The following IGSF9 variants were observed in gnomAD, a reference collection of about 807,000 sequenced individuals.
IGSF9 encodes protein turtle homolog A.
In IGSF9, 87 loss-of-function variants were observed where a neutral mutation model predicts 121.7. The observed-to-expected ratio is 0.71, with a 90% CI of 0.60 to 0.85. The LOEUF (loss-of-function observed/expected upper bound fraction) is 0.85, where lower values mean the gene tolerates loss of function less well. IGSF9 is among the 40% of genes least tolerant of loss of function. IGSF9 has a pLI of 0.00. For synonymous variants in IGSF9, 640 were observed against 648.4 expected, an observed-to-expected ratio of 0.99 and a Z score of 0.20; for missense variants, 1,462 against 1,565.3, an observed-to-expected ratio of 0.93 and a Z score of 1.11.
At position 159,932,206 on chromosome 1, in the gene IGSF9, G is replaced by T; in HGVS notation, c.1246-278C>A. 1 of 573,688 alleles carries T rather than the reference G, an allele frequency of 1.7e-6. No individual in the cohort carries two copies. The highest frequency in any genetic ancestry group is 3.1e-6 in the Non-Finnish European group (1 of 323,128). 35.5% of individuals were successfully genotyped at this position (573,688 alleles called of 1,614,324 possible). ...GACTCTCAGAGATGTACAAACCTCT[G>T]CAGAACATTCTTCCTCCCAGAGCCC... On this transcript the variant is annotated intron_variant, in intron 10 of 20. Transcript: ENST00000368094. This position sits in a 1 kb window ranked among gnomAD's most constrained non-coding sequence, Gnocchi z 4.1.
At position 159,930,341 on chromosome 1, in the gene IGSF9, C is replaced by T; in HGVS notation, c.1912G>A (p.Gly638Arg). 1.2e-6 allele frequency: 2 copies of T among 1,608,530 alleles called. No individual in the cohort carries two copies. Among genetic ancestry groups the T allele is most frequent in the Non-Finnish European group, 1.7e-6 (2 of 1,176,786 alleles). ...GGGGGATCCCAATGCAGGAGTACCCCCCGGGGTGTCCTCACTGCCACCAGA... is the reference window on the plus strand; with the variant it reads ...GGGGGATCCCAATGCAGGAGTACCCTCCGGGGTGTCCTCACTGCCACCAGA... ...RGLVAVRTPR[G>R]VLLHWDPPEL... The change falls in exon 15 of 21, where the codon GGG (glycine) becomes AGG (arginine). Residue 638 changes from glycine (G) to arginine (R), a missense_variant. Around this residue, in one of 3 missense-constraint regions of IGSF9, gnomAD observed 808 missense variants for 815.2 expected, o/e 0.99. Coordinates refer to ENST00000368094, the MANE Select transcript of IGSF9 (RefSeq NM_001135050.2).
In IGSF9 at chr1:159,934,410, T is replaced by C. The variant is rs1218406347; in HGVS notation, c.961+15A>G. ...GAAGGGAGCAGGCTGAGGGAGAAGC[T>C]GGGGTCAGGCTTACAGAGCACAGTG... On this transcript the variant is annotated intron_variant, in intron 8 of 20. Transcript: ENST00000368094. The C allele has an allele frequency of 1.3e-6, 2 of 1,572,764 alleles. No homozygotes were observed. Among genetic ancestry groups the C allele is most frequent in the Admixed American group, 3.8e-5 (2 of 53,140 alleles).
At position 159,930,367 on chromosome 1, in the gene IGSF9, C is replaced by A; in HGVS notation, c.1886G>T (p.Gly629Val). The A allele has an allele frequency of 6.2e-7, 1 of 1,600,138 alleles. No homozygotes were observed. Among genetic ancestry groups the A allele is most frequent in the Non-Finnish European group, 8.5e-7 (1 of 1,171,814 alleles). Residue 629 changes from glycine (G) to valine (V), a missense_variant, in exon 15 of 21, where the codon GGT becomes GTT. Coordinates refer to ENST00000368094, the MANE Select transcript of IGSF9 (RefSeq NM_001135050.2). Reference protein sequence around the residue: ...EIPPPLSPPRGLVAVRTPRGV... With the variant: ...EIPPPLSPPRVLVAVRTPRGV... ...CCGGGGTGTCCTCACTGCCACCAGA[C>A]CCCGCGGAGGGGACAGGGGAGGCGG...
chr1:159,931,893 T>A lies in IGSF9; in HGVS notation c.1281A>T (p.Glu427Asp), dbSNP rs201446551. 20 of 1,597,912 alleles carry A rather than the reference T, an allele frequency of 1.3e-5. No individual in the cohort carries two copies. Among genetic ancestry groups the A allele is most frequent in the Non-Finnish European group, 1.6e-5 (19 of 1,175,212 alleles). ...PPAFIERPKE[E>D]YFQEVGRELL... is the part of the protein sequence containing the mutation. Reference sequence around the variant, plus strand: ...GCTCCCGCCCTACTTCTTGGAAATATTCTTCCTTGGGCCGCTCTATAAAAG... The same window carrying A: ...GCTCCCGCCCTACTTCTTGGAAATAATCTTCCTTGGGCCGCTCTATAAAAG... Residue 427 changes from glutamate to aspartate, a missense_variant, in exon 11 of 21, where the codon GAA (glutamate) becomes GAT (aspartate). Transcript: ENST00000368094. This position sits in a 1 kb window ranked among gnomAD's most constrained non-coding sequence, Gnocchi z 4.8.
At chr1:159,929,186 A>C in intron 18 of IGSF9, 165 bp downstream of exon 18, 1 of 1,287,946 alleles carries the variant, frequency 7.8e-7, no homozygotes, top group Non-Finnish European at 1.1e-6. Context: ...GCCATACTGG[A>C]ACGGCCTCAG....
chr1:159,944,464 C>A lies in IGSF9; in HGVS notation c.-174-836G>T, dbSNP rs538829010. Among the ~76,000 whole-genome samples, 5 of 152,260 alleles carry A rather than the reference C, an allele frequency of 3.3e-5. No homozygotes were observed. In the South Asian group the frequency reaches 1.0e-3, roughly 32 times the overall value. On this transcript the variant is annotated intron_variant, in intron 1 of 20. Transcript: ENST00000368094. ...CAAGCAGCCCTCCCCCTGCCAGGCACCACCACCCAAGGACCTCACCCAAAT... is the reference window on the plus strand; with the variant it reads ...CAAGCAGCCCTCCCCCTGCCAGGCAACACCACCCAAGGACCTCACCCAAAT...
intron 3 of IGSF9, among the ~76,000 whole-genome samples, chr1:159,938,975 A>G (rs745673845): frequency 6.6e-6 from 1 of 152,160 alleles, no homozygotes; most frequent in African/African-American, 2.4e-5. Flanking sequence ...CTGCACCACC[A>G]CACACCAAGT....
At chr1:159,942,686 G>A (rs1303192864) in intron 3 of IGSF9, among the ~76,000 whole-genome samples, 1 of 152,176 alleles carries the variant, frequency 6.6e-6, no homozygotes, top group Non-Finnish European at 1.5e-5. Context: ...TAGGGCTGCA[G>A]GATCTCCTTT....
chr1:159,929,181 A>G, intron 18 of IGSF9, 163 bp from the exon 19 acceptor site: 1 of 1,283,732 alleles, frequency 7.8e-7, no homozygotes, highest in Non-Finnish European at 1.1e-6. Context: ...CACAGGCCAT[A>G]CTGGAACGGC....
Position 159,930,418 on chromosome 1 carries a change from G to T in IGSF9, c.1835C>A (p.Ala612Glu). ...TATCTCTGTTGGGGGAAGCCCGGGT[G>T]CAGCTGGCGTGGTAGGAAGCCCTGC... ...APEGLPTTPA[A>E]PGLPPTEIPP... Residue 612 changes from alanine (A) to glutamate (E), a missense_variant, in exon 15 of 21, where the codon GCA (alanine) becomes GAA (glutamate). Ala to Glu is a moderately radical substitution (Grantham distance 107). Coordinates refer to ENST00000368094, the MANE Select transcript of IGSF9 (RefSeq NM_001135050.2). 1 of 1,543,270 alleles carries T rather than the reference G, an allele frequency of 6.5e-7. No individual in the cohort carries two copies.
Position 159,927,387 on chromosome 1 carries a change from A to G in IGSF9, c.3498T>C (p.Tyr1166=), listed in dbSNP as rs1650775154. The change falls in exon 21 of 21, where the codon TAT becomes TAC. Residue 1166 remains tyrosine, a synonymous_variant. Coordinates refer to ENST00000368094, the MANE Select transcript of IGSF9 (RefSeq NM_001135050.2). The stretch of plus-strand genomic sequence containing the variant: ...GTTCGGGGTGGGGGACTGGCTGTCG[A>G]TAGGCTGGTAGCCGAGCCCTAGTAG... ...RDATRARLPA[Y]RQPVPHPEQA... The G allele has an allele frequency of 1.2e-6, 2 of 1,613,512 alleles. No homozygotes were observed. Among genetic ancestry groups the G allele is most frequent in the Non-Finnish European group, 1.7e-6 (2 of 1,180,000 alleles).
In IGSF9 at chr1:159,928,237, C is replaced by T; in HGVS notation, c.3151G>A (p.Ala1051Thr). The change falls in exon 19 of 21, where the codon GCT becomes ACT. Residue 1051 changes from alanine (A) to threonine (T), a missense_variant. This residue lies in a region of IGSF9 where 808 missense variants were observed against 815.2 expected (regional missense o/e 0.99). Coordinates refer to ENST00000368094, the MANE Select transcript of IGSF9 (RefSeq NM_001135050.2). ...GCCCAGCTGCTGGTGTCTCCTGGAG[C>T]AGGGCTGAGGTAGCTGCCTCCTGCA... ...PSAGGSYLSP[A>T]PGDTSSWASG... 3.7e-6 allele frequency: 6 copies of T among 1,613,202 alleles called. No individual in the cohort carries two copies. In the South Asian group the frequency reaches 4.4e-5, roughly 12 times the overall value.
chr1:159,934,252 C>T lies in IGSF9; in HGVS notation c.1042G>A (p.Ala348Thr). 1 of 1,613,976 alleles carries T rather than the reference C, an allele frequency of 6.2e-7. No individual in the cohort carries two copies. The highest frequency in any genetic ancestry group is 8.5e-7 in the Non-Finnish European group (1 of 1,179,952). ...CTGACAAAGAGCAGTGGGGGGTTGG[C>T]ACGAACCGGGCAGCGGATCACCCCC... ...MPGVIRCPVR[A>T]NPPLLFVSWT... The change falls in exon 9 of 21, where the codon GCC becomes ACC. Residue 348 changes from alanine (A) to threonine (T), a missense_variant. Coordinates refer to ENST00000368094, the MANE Select transcript of IGSF9 (RefSeq NM_001135050.2).
At chr1:159,933,835 T>A (rs1307989667) in intron 9 of IGSF9, 8 of 321,428 alleles carry the variant, frequency 2.5e-5, no homozygotes, top group Non-Finnish European at 4.1e-5. Context: ...CTCAACCCAC[T>A]ACCCCACACA....
intron 15 of IGSF9, 93 bp from the exon 16 acceptor site, chr1:159,930,068 G>A: frequency 1.3e-6 from 2 of 1,550,800 alleles, no homozygotes; most frequent in Non-Finnish European, 1.8e-6. Context: ...GGGACGGAAG[G>A]GTGAGGTAGG....
chr1:159,936,795 G>C lies in IGSF9; in HGVS notation c.514C>G (p.Leu172Val), dbSNP rs767988842. 6.2e-7 allele frequency: 1 copy of C among 1,614,232 alleles called. No homozygotes were observed. Among genetic ancestry groups the C allele is most frequent in the South Asian group, 1.1e-5 (1 of 91,088 alleles). The change falls in exon 5 of 21, where the codon CTC (leucine) becomes GTC (valine). Residue 172 changes from leucine to valine, a missense_variant. By Grantham distance (32) the Leu-to-Val change is conservative. Coordinates refer to ENST00000368094, the MANE Select transcript of IGSF9 (RefSeq NM_001135050.2). Reference protein sequence around the residue: ...GSPLPHVTWKLRGKDLGQGQG... With the variant: ...GSPLPHVTWKVRGKDLGQGQG... ...CCCTGGCCAAGGTCCTTTCCTCGGA[G>C]CTTCCACGTCACATGAGGCAGGGGG...
intron 15 of IGSF9, 57 bp from the exon 16 acceptor site, chr1:159,930,032 G>T: frequency 6.3e-7 from 1 of 1,575,854 alleles, no homozygotes; most frequent in Non-Finnish European, 8.6e-7. Context: ...GCCCAACCCA[G>T]CGGGGCGCGG....
intron 3 of IGSF9, 38 bp from the exon 4 acceptor site, chr1:159,937,876 C>G: frequency 1.9e-6 from 3 of 1,595,380 alleles, no homozygotes; most frequent in Non-Finnish European, 2.6e-6. Context: ...GCTGAAGGAA[C>G]CCCATGGAAG....
rs1366310068 is a variant in IGSF9 at position 159,936,782 on chromosome 1, T to C, written c.527A>G (p.Asp176Gly). 6.2e-7 allele frequency: 1 copy of C among 1,614,144 alleles called. No homozygotes were observed. Among genetic ancestry groups the C allele is most frequent in the African/African-American group, 1.3e-5 (1 of 75,042 alleles). ...PHVTWKLRGK[D>G]LGQGQGQVQV... ...CACCTGGCCCTGGCCCTGGCCAAGGTCCTTTCCTCGGAGCTTCCACGTCAC... is the reference window on the plus strand; with the variant it reads ...CACCTGGCCCTGGCCCTGGCCAAGGCCCTTTCCTCGGAGCTTCCACGTCAC... Residue 176 changes from aspartate (D) to glycine (G), a missense_variant, in exon 5 of 21, where the codon GAC (aspartate) becomes GGC (glycine). Asp to Gly is a moderately conservative substitution (Grantham distance 94). Transcript: ENST00000368094.
Sources: gnomAD v4.1 joint callset for allele counts (sites outside exome capture counted in the v4.1 genomes callset) on GRCh38, gnomAD v4.1.1 for gene constraint, gnomAD v4.1.1 regional missense constraint, Gnocchi (gnomAD v3.1) non-coding constraint, MANE v1.5 for transcripts, NCBI Gene and HGNC (gene_info 2026-07-23, HGNC 2026-07-21) for gene names.